The following ZNF280D variants were observed in gnomAD, a reference collection of about 807,000 sequenced individuals.
The protein encoded by ZNF280D is zinc finger protein 280D.
A neutral mutation model predicts 94.7 loss-of-function variants in ZNF280D; 39 were observed. The ratio of observed to expected loss-of-function variants is 0.41; its 90% CI spans 0.32 to 0.54. The LOEUF is 0.54. Among genes scored for constraint, ZNF280D ranks in the 20% least tolerant of loss-of-function variants. The probability of loss-of-function intolerance (pLI) is 0.22; values close to 1 mark genes in which losing one functional copy is unlikely to be tolerated. For missense variants in ZNF280D, 1,090 were observed against 1,149.3 expected (o/e 0.95, Z 0.75); for synonymous variants, 398 against 377.6 (o/e 1.05, Z -0.63).
chr15:56,716,911 T>A (rs1418999895), intron 1 of ZNF280D, among the ~76,000 whole-genome samples: 1 of 152,164 alleles, frequency 6.6e-6, no homozygotes, highest in Non-Finnish European at 1.5e-5. Flanking sequence ...GGTTTCTTTC[T>A]CCATTCCTGG....
chr15:56,724,663 G>A (rs888573234), intron 1 of ZNF280D, among the ~76,000 whole-genome samples: 7 of 152,082 alleles, frequency 4.6e-5, no homozygotes, highest in African/African-American at 7.2e-5. Context: ...TGATAACACC[G>A]CCTTTTGCAA....
At chr15:56,690,140 T>C (rs2056340612) in intron 7 of ZNF280D, among the ~76,000 whole-genome samples, 1 of 152,128 alleles carries the variant, frequency 6.6e-6, no homozygotes, top group Middle Eastern at 3.2e-3. Context: ...CCCAGCACTT[T>C]GGGAGGCTGA....
At chr15:56,685,640 A>G (rs1264444892) in intron 9 of ZNF280D, among the ~76,000 whole-genome samples, 1 of 152,352 alleles carries the variant, frequency 6.6e-6, no homozygotes, top group Non-Finnish European at 1.5e-5. Context: ...AGGAAGTTTC[A>G]TGCTACTTTA....
chr15:56,661,432 C>T (rs1184576506), intron 16 of ZNF280D, among the ~76,000 whole-genome samples: 1 of 152,124 alleles, frequency 6.6e-6, no homozygotes, highest in Non-Finnish European at 1.5e-5. Flanking sequence ...AAACTGTAGG[C>T]AGAAGACATA....
chr15:56,656,180 C>T (rs2053541695), intron 17 of ZNF280D, among the ~76,000 whole-genome samples: 1 of 152,196 alleles, frequency 6.6e-6, no homozygotes, highest in Non-Finnish European at 1.5e-5. Flanking sequence ...GGTTCCAACA[C>T]TGCTTCATCA....
At chr15:56,707,452 T>G in intron 1 of ZNF280D, 146 bp from the exon 2 acceptor site, 1 of 435,602 alleles carries the variant, frequency 2.3e-6, no homozygotes, top group Non-Finnish European at 3.7e-6. Flanking sequence ...GGTTCATTCC[T>G]GAATAAACCC....
In ZNF280D at chr15:56,682,462, T is replaced by C. The variant is rs760565103; in HGVS notation, c.796A>G (p.Met266Val). ...GCCAGTCCCAAAAAGTTATTTATCA[T>C]GTCTGGACAACAATACTGAAAGAGA... ...KNHMKYCCPDMINNFLGLAKT... is the reference protein window; with the variant it reads ...KNHMKYCCPDVINNFLGLAKT... Residue 266 changes from methionine (M) to valine (V), a missense_variant, in exon 10 of 22, where the codon ATG becomes GTG. Met to Val is a conservative substitution (Grantham distance 21, BLOSUM62 1). Around this residue, in one of 3 missense-constraint regions of ZNF280D, gnomAD observed 386 missense variants for 372.0 expected, o/e 1.04. Coordinates refer to ENST00000267807, the MANE Select transcript of ZNF280D (RefSeq NM_017661.4). The C allele has an allele frequency of 5.3e-6, 8 of 1,508,742 alleles. No individual in the cohort carries two copies. The highest frequency in any genetic ancestry group is 1.7e-4 in the Middle Eastern group (1 of 5,748). The allele number at this position is 1,508,742 out of a possible 1,614,324, so 93.5% of individuals were successfully genotyped here. A position where few individuals can be genotyped will look rare whatever the true frequency, so the allele number is the denominator to read the frequency against.
chr15:56,680,321 G>A (rs1278185195), intron 10 of ZNF280D, among the ~76,000 whole-genome samples: 8 of 151,994 alleles, frequency 5.3e-5, no homozygotes, highest in African/African-American at 1.9e-4. Context: ...TTCACGAGGT[G>A]TTTACCATTA....
At chr15:56,667,444 G>C (rs2054371111) in intron 14 of ZNF280D, among the ~76,000 whole-genome samples, 2 of 152,256 alleles carry the variant, frequency 1.3e-5, no homozygotes, top group South Asian at 4.1e-4. Flanking sequence ...CAGGGGCTCA[G>C]TGCCCAAGAT....
In ZNF280D at chr15:56,668,934, T is replaced by C. The variant is rs370229100; in HGVS notation, c.1434A>G (p.Thr478=). 1.2e-6 allele frequency: 2 copies of C among 1,610,640 alleles called. No homozygotes were observed. The highest frequency in any genetic ancestry group is 1.1e-5 in the South Asian group (1 of 90,192). Residue 478 remains threonine (T), a synonymous_variant, in exon 14 of 22, where the codon ACA becomes ACG. Coordinates refer to ENST00000267807, the MANE Select transcript of ZNF280D (RefSeq NM_017661.4). ...KHQKKGIHRC[T]KCRLQFLTCK... ...ATGTCAAAAACTGCAGCCTGCATTT[T>C]GTACAACGATGTATTCCTTTTTTCT...
intron 6 of ZNF280D, among the ~76,000 whole-genome samples, chr15:56,694,149 G>C (rs1264742204): frequency 6.6e-6 from 1 of 152,060 alleles, no homozygotes; most frequent in Admixed American, 6.6e-5. Context: ...AAAAGTATGA[G>C]ATGAATGATA....
At chr15:56,715,939 T>C (rs1232169825) in intron 1 of ZNF280D, among the ~76,000 whole-genome samples, 3 of 152,134 alleles carry the variant, frequency 2.0e-5, no homozygotes, top group African/African-American at 4.8e-5. Context: ...TTAAAAAATA[T>C]ATAACAACTA....
intron 1 of ZNF280D, chr15:56,733,036 C>A (rs1218464331): frequency 6.6e-6 from 1 of 152,372 alleles, no homozygotes; most frequent in Non-Finnish European, 1.5e-5. Flanking sequence ...TGAAGAGACA[C>A]GGGGGTGGGC....
intron 10 of ZNF280D, 131 bp downstream of exon 10, chr15:56,682,123 C>T (rs1006391168): frequency 8.6e-5 from 52 of 602,980 alleles, no homozygotes; most frequent in African/African-American, 4.7e-4. Flanking sequence ...CAAGAGAATC[C>T]GCCTTTATTC....
rs576336419 is a variant in ZNF280D, at chr15:56,693,084, A to T, written c.499+14T>A. On this transcript the variant is annotated intron_variant, in intron 7 of 21. Transcript: ENST00000267807. ...TCTTTCTATAACCTTTATGAAAAAA[A>T]TACTAAAACCAACCTGCCATAGAAA... 1 of 1,522,290 alleles carries T rather than the reference A, an allele frequency of 6.6e-7. No homozygotes were observed. Among genetic ancestry groups the T allele is most frequent in the East Asian group, 2.3e-5 (1 of 43,786 alleles). The allele number at this position is 1,522,290 out of a possible 1,614,324, so 94.3% of individuals were successfully genotyped here. A position where few individuals can be genotyped will look rare whatever the true frequency, so the allele number is the denominator to read the frequency against.
At chr15:56,689,758 G>A (rs1332430741) in intron 7 of ZNF280D, among the ~76,000 whole-genome samples, 1 of 151,544 alleles carries the variant, frequency 6.6e-6, no homozygotes, top group East Asian at 1.9e-4. Flanking sequence ...CACAAAGGGA[G>A]CCAGACCAAT....
intron 14 of ZNF280D, 141 bp from the exon 15 acceptor site, chr15:56,667,127 T>A: frequency 1.7e-6 from 1 of 590,254 alleles, no homozygotes; most frequent in Non-Finnish European, 2.8e-6. Context: ...TCCCATTTAT[T>A]CTAAATGTTC....
intron 6 of ZNF280D, among the ~76,000 whole-genome samples, chr15:56,695,066 T>TTG (rs10563061): frequency 1.2e-3 from 185 of 150,550 alleles, no homozygotes; most frequent in African/African-American, 3.8e-3. Context: ...TTCACTTCCT[T>TTG]TGTGTGTGTG....
At chr15:56,723,223 TATA>T (rs1363074503) in intron 1 of ZNF280D, among the ~76,000 whole-genome samples, 2 of 123,812 alleles carry the variant, frequency 1.6e-5, no homozygotes, top group African/African-American at 5.7e-5. Flanking sequence ...AAACTTAAAG[TATA>T]ATAATAAAAA....
Sources: allele counts gnomAD v4.1 joint callset (sites outside exome capture counted in the v4.1 genomes callset), GRCh38; gene constraint gnomAD v4.1.1; regional missense constraint gnomAD v4.1.1; transcripts MANE v1.5; gene names NCBI Gene and HGNC (gene_info 2026-07-23, HGNC 2026-07-21).